The following STARD13 variants were observed in gnomAD, a reference collection of about 807,000 sequenced individuals.
STARD13 encodes stAR-related lipid transfer protein 13.
A neutral mutation model predicts 106.4 loss-of-function variants in STARD13; 62 were observed. That is an observed-to-expected ratio of 0.58 (90% confidence interval 0.48 to 0.72). STARD13 has a LOEUF of 0.72. STARD13 is among the 30% of genes least tolerant of loss of function. STARD13 has a pLI of 0.00. For synonymous variants in STARD13, 565 were observed against 553.0 expected, an observed-to-expected ratio of 1.02 and a Z score of -0.31; for missense variants, 1,387 against 1,424.0, an observed-to-expected ratio of 0.97 and a Z score of 0.42.
chr13:33,271,700 AG>A (rs1421453887), intron 1 of STARD13: 2 of 152,086 alleles, frequency 1.3e-5, no homozygotes, highest in Non-Finnish European at 2.9e-5. Flanking sequence ...GTGGGAGGGT[AG>A]TTAGTATAGG....
At chr13:33,608,813 C>T in the STARD13 span, among the ~76,000 whole-genome samples, 1 of 152,034 alleles carries the variant, frequency 6.6e-6, no homozygotes, top group African/African-American at 2.4e-5. Context: ...CAGGCTGGGC[C>T]CGATGGCTCA....
At chr13:33,673,593 A>G in the STARD13 span, among the ~76,000 whole-genome samples, 1 of 141,170 alleles carries the variant, frequency 7.1e-6, no homozygotes, top group African/African-American at 2.9e-5. Flanking sequence ...ACCATGCTGG[A>G]GTGCAGTGGC....
the STARD13 span, among the ~76,000 whole-genome samples, chr13:33,542,359 T>C: frequency 1.3e-5 from 2 of 152,174 alleles, no homozygotes; most frequent in Non-Finnish European, 2.9e-5. Context: ...TTTTACCTCT[T>C]ATACCATTAA....
the STARD13 span, among the ~76,000 whole-genome samples, chr13:33,642,654 C>T: frequency 1.1e-3 from 163 of 152,198 alleles, 1 homozygote; most frequent in African/African-American, 3.6e-3. Flanking sequence ...ATCCAAGAGG[C>T]CTTAAATAAC....
At chr13:33,215,005 C>G (rs1303937215) in intron 1 of STARD13, among the ~76,000 whole-genome samples, 1 of 151,742 alleles carries the variant, frequency 6.6e-6, no homozygotes, top group Non-Finnish European at 1.5e-5. Context: ...TAGTTTTTCC[C>G]CTCAGACACA....
At chr13:33,285,784 A>G, upstream of STARD13, 2 of 1,452,674 alleles carry the variant, frequency 1.4e-6, no homozygotes, top group South Asian at 1.5e-5. Flanking sequence ...CAAAGCCACA[A>G]CTCAGAATTC....
the STARD13 span, among the ~76,000 whole-genome samples, chr13:33,460,703 A>G: frequency 6.7e-6 from 1 of 149,720 alleles, no homozygotes; most frequent in Non-Finnish European, 1.5e-5. Context: ...TTTTTTCTAG[A>G]TTTCTAAAGC....
intron 1 of STARD13, among the ~76,000 whole-genome samples, chr13:33,183,260 AG>A (rs1482719328): frequency 1.3e-5 from 2 of 152,222 alleles, no homozygotes; most frequent in Non-Finnish European, 2.9e-5. Flanking sequence ...AGTGCCTAGC[AG>A]AGTGCTCGGA....
chr13:33,412,438 G>A, the STARD13 span, among the ~76,000 whole-genome samples: 5 of 151,978 alleles, frequency 3.3e-5, no homozygotes, highest in Admixed American at 3.3e-4. Context: ...AGAATAAATG[G>A]AAAACAAAAA....
the STARD13 span, among the ~76,000 whole-genome samples, chr13:33,642,027 T>C: frequency 1.3e-5 from 2 of 152,208 alleles, no homozygotes; most frequent in African/African-American, 4.8e-5. Flanking sequence ...TCTTTGAAAA[T>C]AGTAATTTGT....
the STARD13 span, among the ~76,000 whole-genome samples, chr13:33,407,033 C>T: frequency 2.6e-5 from 4 of 152,220 alleles, no homozygotes; most frequent in South Asian, 2.1e-4. Flanking sequence ...TTAAAGTGAG[C>T]GGAGGTAATG....
chr13:33,277,048 G>GAAAAA (rs60224228), intron 1 of STARD13, among the ~76,000 whole-genome samples: 23 of 57,724 alleles, frequency 4.0e-4, no homozygotes, highest in Non-Finnish European at 1.2e-3. Context: ...CTAAGCTTCT[G>GAAAAA]AAAAAAAAAA....
chr13:33,635,274 C>T, the STARD13 span, among the ~76,000 whole-genome samples: 1 of 152,076 alleles, frequency 6.6e-6, no homozygotes, highest in Non-Finnish European at 1.5e-5. Context: ...AATCCCGTTT[C>T]TAACATGTGC....
the STARD13 span, among the ~76,000 whole-genome samples, chr13:33,528,265 T>TAC: frequency 7.6e-6 from 1 of 131,534 alleles, no homozygotes; most frequent in African/African-American, 3.2e-5. Flanking sequence ...TACATATATA[T>TAC]ATATATATAC....
intron 8 of STARD13, chr13:33,117,680 C>T: frequency 1.1e-6 from 1 of 936,348 alleles, no homozygotes; most frequent in Non-Finnish European, 1.3e-6. Flanking sequence ...CTTTGAATTT[C>T]CTATATCCCA....
the STARD13 span, among the ~76,000 whole-genome samples, chr13:33,665,029 T>G: frequency 1.3e-5 from 2 of 152,204 alleles, no homozygotes; most frequent in African/African-American, 4.8e-5. Context: ...AACGTCACAA[T>G]GACGAGAACG....
chr13:33,307,126 G>A (rs1227301164), intron 1 of STARD13, among the ~76,000 whole-genome samples: 1 of 152,102 alleles, frequency 6.6e-6, no homozygotes. Context: ...ATGCCACTCA[G>A]AATAGCAATT....
At chr13:33,395,225 A>T in the STARD13 span, among the ~76,000 whole-genome samples, 3 of 152,172 alleles carry the variant, frequency 2.0e-5, no homozygotes, top group African/African-American at 7.2e-5. Flanking sequence ...GATGATTTTT[A>T]AAATCTCTAT....
the STARD13 span, among the ~76,000 whole-genome samples, chr13:33,364,007 A>C: frequency 7.2e-5 from 11 of 152,242 alleles, no homozygotes; most frequent in Non-Finnish European, 1.6e-4. Flanking sequence ...TTAAATCACC[A>C]TGAATGACAG....
Sources: allele counts gnomAD v4.1 joint callset (sites outside exome capture counted in the v4.1 genomes callset), GRCh38; gene constraint gnomAD v4.1.1; transcripts MANE v1.5; gene names NCBI Gene and HGNC (gene_info 2026-07-23, HGNC 2026-07-21).